Variants in EFCAB6 observed in about 807,000 individuals in gnomAD.
The protein encoded by EFCAB6 is EF-hand calcium binding domain 6, also known as EF-hand calcium-binding domain-containing protein 6.
Under a neutral mutation model 169.8 loss-of-function variants are expected in EFCAB6, and 156 were observed. The ratio of observed to expected loss-of-function variants is 0.92; its 90% CI spans 0.81 to 1.05. The LOEUF (loss-of-function observed/expected upper bound fraction) is 1.05, where lower values mean the gene tolerates loss of function less well. Ranked by LOEUF, EFCAB6 falls within the 50% of genes least tolerant of loss-of-function variation. The pLI, the probability that EFCAB6 is intolerant of heterozygous loss-of-function variation, is 0.00. For missense variants in EFCAB6, 1,800 were observed against 1,829.1 expected (o/e 0.98, Z 0.29); for synonymous variants, 698 against 676.4 (o/e 1.03, Z -0.50).
At chr22:43,558,264 C>T (rs1213789466) in intron 26 of EFCAB6, among the ~76,000 whole-genome samples, 3 of 152,072 alleles carry the variant, frequency 2.0e-5, no homozygotes, top group African/African-American at 7.2e-5. Flanking sequence ...GCTAAAAGTA[C>T]AAAAAAGCAA....
At chr22:43,742,821 G>A (rs931424861) in intron 6 of EFCAB6, among the ~76,000 whole-genome samples, 5 of 152,362 alleles carry the variant, frequency 3.3e-5, no homozygotes, top group Admixed American at 3.3e-4. Flanking sequence ...CAGAGCCTGG[G>A]AGCAGGATAG....
chr22:43,561,366 A>AAAG (rs2049023104), intron 26 of EFCAB6, among the ~76,000 whole-genome samples: 2 of 151,764 alleles, frequency 1.3e-5, no homozygotes, highest in Non-Finnish European at 2.9e-5. Context: ...CAAAAAAAAA[A>AAAG]AAAGAAAGAA....
At chr22:43,639,086 A>G (rs2055630502) in intron 17 of EFCAB6, among the ~76,000 whole-genome samples, 1 of 152,172 alleles carries the variant, frequency 6.6e-6, no homozygotes, top group South Asian at 2.1e-4. Flanking sequence ...GGTATAGTTG[A>G]CATTTGTTTC....
At chr22:43,698,449 A>G (rs2058653564) in intron 10 of EFCAB6, among the ~76,000 whole-genome samples, 1 of 152,186 alleles carries the variant, frequency 6.6e-6, no homozygotes, top group Non-Finnish European at 1.5e-5. Context: ...TCCATCACCA[A>G]GATATCCCAT....
chr22:43,588,447 T>C (rs1459304630), intron 24 of EFCAB6, among the ~76,000 whole-genome samples: 1 of 152,024 alleles, frequency 6.6e-6, no homozygotes, highest in African/African-American at 2.4e-5. Flanking sequence ...AAATGAGCTC[T>C]AGTAATTAGA....
chr22:43,666,067 C>T (rs1442531920), intron 17 of EFCAB6, among the ~76,000 whole-genome samples: 5 of 152,220 alleles, frequency 3.3e-5, no homozygotes, highest in African/African-American at 1.2e-4. Context: ...GGATTACAGG[C>T]GTGAGCTACC....
Position 43,595,869 on chromosome 22 carries a change from T to A in EFCAB6, c.2876+4200A>T, listed in dbSNP as rs2051959586. 2.6e-5 allele frequency among the ~76,000 whole-genome samples: 4 copies of A among 152,058 alleles called. No individual in the cohort carries two copies. The South Asian group carries it at 8.3e-4, about 31-fold the overall frequency. On this transcript the variant is annotated intron_variant, in intron 23 of 31. Coordinates refer to ENST00000262726, the MANE Select transcript of EFCAB6 (RefSeq NM_022785.4). Reference sequence around the variant, plus strand: ...CTCAACAAAATACTAGCAAACCAAATTCAACAACACATTAAAAGGACCATT... The same window carrying A: ...CTCAACAAAATACTAGCAAACCAAAATCAACAACACATTAAAAGGACCATT...
intron 2 of EFCAB6, among the ~76,000 whole-genome samples, chr22:43,798,793 T>A (rs1391667308): frequency 6.6e-6 from 1 of 151,892 alleles, no homozygotes; most frequent in African/African-American, 2.4e-5. Context: ...CTGCCTGGAG[T>A]CCTCTCTCTA....
At chr22:43,605,166 A>C (rs1285956446) in intron 22 of EFCAB6, among the ~76,000 whole-genome samples, 2 of 152,208 alleles carry the variant, frequency 1.3e-5, no homozygotes. Flanking sequence ...ACACTGAGAG[A>C]AATCGGATGT....
chr22:43,807,281 T>C (rs1569497543), intron 2 of EFCAB6, among the ~76,000 whole-genome samples: 1 of 152,232 alleles, frequency 6.6e-6, no homozygotes, highest in Non-Finnish European at 1.5e-5. Context: ...AGCTCACCCC[T>C]GACTTTACAC....
intron 4 of EFCAB6, among the ~76,000 whole-genome samples, chr22:43,768,484 C>T (rs1348074319): frequency 6.6e-6 from 1 of 152,180 alleles, no homozygotes; most frequent in Non-Finnish European, 1.5e-5. Flanking sequence ...ATAGAACCAT[C>T]TAGAAAAGCC....
At chr22:43,623,777 T>C (rs962764737) in intron 20 of EFCAB6, among the ~76,000 whole-genome samples, 16 of 140,036 alleles carry the variant, frequency 1.1e-4, no homozygotes, top group South Asian at 4.6e-4. Flanking sequence ...GGCATTGTGG[T>C]GGGCGCCTGT....
chr22:43,737,728 T>C (rs1252566659), intron 6 of EFCAB6, among the ~76,000 whole-genome samples: 1 of 134,506 alleles, frequency 7.4e-6, no homozygotes, highest in Non-Finnish European at 1.6e-5. Context: ...CACACATATA[T>C]TCACACACAC....
At chr22:43,608,276 A>G (rs1442934104) in intron 22 of EFCAB6, among the ~76,000 whole-genome samples, 3 of 152,178 alleles carry the variant, frequency 2.0e-5, no homozygotes, top group Non-Finnish European at 4.4e-5. Context: ...GTGTTACTGA[A>G]GACCAACCCA....
chr22:43,633,817 C>T (rs1164408615), intron 18 of EFCAB6, among the ~76,000 whole-genome samples: 1 of 152,200 alleles, frequency 6.6e-6, no homozygotes, highest in Non-Finnish European at 1.5e-5. Context: ...TGCCTCACTG[C>T]AGAGGCTGCA....
chr22:43,716,495 T>G (rs1002310367), intron 9 of EFCAB6, among the ~76,000 whole-genome samples: 1 of 152,166 alleles, frequency 6.6e-6, no homozygotes, highest in Non-Finnish European at 1.5e-5. Context: ...ATAGGAAGAA[T>G]AGGTAGTAAT....
intron 17 of EFCAB6, among the ~76,000 whole-genome samples, chr22:43,643,873 G>C (rs1338639204): frequency 6.6e-6 from 1 of 151,834 alleles, no homozygotes; most frequent in Non-Finnish European, 1.5e-5. Context: ...ACCCAGGCTG[G>C]AGCGCAGTAG....
chr22:43,573,949 G>T (rs537664569), intron 26 of EFCAB6, among the ~76,000 whole-genome samples: 18 of 152,078 alleles, frequency 1.2e-4, no homozygotes, highest in Non-Finnish European at 2.5e-4. Context: ...ATTTCATACA[G>T]TCCAACCCAA....
chr22:43,607,314 T>C (rs185370035), intron 22 of EFCAB6, among the ~76,000 whole-genome samples: 1 of 152,264 alleles, frequency 6.6e-6, no homozygotes, highest in Admixed American at 6.5e-5. Flanking sequence ...CCCATGCCAC[T>C]TGACTTGCTC....
Sources: gnomAD v4.1 joint callset for allele counts (sites outside exome capture counted in the v4.1 genomes callset) on GRCh38, gnomAD v4.1.1 for gene constraint, MANE v1.5 for transcripts, NCBI Gene and HGNC (gene_info 2026-07-23, HGNC 2026-07-21) for gene names.